ALPL: variants seen among roughly 807,000 people sequenced by gnomAD.
ALPL encodes the protein alkaline phosphatase, biomineralization associated, also known as alkaline phosphatase, tissue-nonspecific isozyme.
In ALPL, 42 loss-of-function variants were observed where a neutral mutation model predicts 51.3. The observed-to-expected ratio is 0.82, with a 90% CI of 0.64 to 1.06. ALPL has a LOEUF of 1.06. Among genes scored for constraint, ALPL ranks in the 50% least tolerant of loss-of-function variants. The pLI is 0.00. For missense variants in ALPL, 589 were observed against 709.4 expected, an observed-to-expected ratio of 0.83 and a Z score of 1.93; for synonymous variants, 279 against 296.4, an observed-to-expected ratio of 0.94 and a Z score of 0.60.
At position 21,577,910 on chromosome 1, in the gene ALPL, G is replaced by T. The variant is rs566407347; in HGVS notation, c.*262G>T. The T allele has an allele frequency of 3.4e-6, 2 of 591,866 alleles. No individual in the cohort carries two copies. The highest frequency in any genetic ancestry group is 6.0e-6 in the Non-Finnish European group (2 of 332,616). 36.7% of individuals were successfully genotyped at this position (591,866 alleles called of 1,614,324 possible). ...GGTAGATTTCTCTTGGGCAGGCAGA[G>T]AGTACAGACTGCAGACATTCTCAAA... On this transcript the variant is annotated 3_prime_UTR_variant, in exon 12 of 12. Transcript: ENST00000374840.
At chr1:21,547,006 C>A (rs374372698) in intron 1 of ALPL, among the ~76,000 whole-genome samples, 2 of 152,218 alleles carry the variant, frequency 1.3e-5, no homozygotes, top group African/African-American at 4.8e-5. Flanking sequence ...CACAGGGCAC[C>A]TGGCACAATG....
intron 2 of ALPL, among the ~76,000 whole-genome samples, chr1:21,554,807 GTCTGTCTGTCTT>G (rs1205819781): frequency 0.053 from 1,489 of 27,900 alleles, 17 homozygotes; most frequent in Middle Eastern, 0.071. Flanking sequence ...CTGTCTGTCT[GTCTGTCTGTCTT>G]TCTTTCTTTC....
chr1:21,511,942 C>T (rs962819231), intron 1 of ALPL, among the ~76,000 whole-genome samples: 2 of 152,204 alleles, frequency 1.3e-5, no homozygotes, highest in Non-Finnish European at 1.5e-5. Context: ...TAGCAATCTC[C>T]ATGCTGTACC....
chr1:21,563,168 G>C lies in ALPL; in HGVS notation c.356G>C (p.Cys119Ser), dbSNP rs774193109. 2 of 1,613,940 alleles carry C rather than the reference G, an allele frequency of 1.2e-6. No individual in the cohort carries two copies. Among genetic ancestry groups the C allele is most frequent in the Non-Finnish European group, 1.7e-6 (2 of 1,180,030 alleles). ...DSAGTATAYL[C>S]GVKANEGTVG... is the part of the protein sequence containing the mutation. ...GCCGGCACCGCCACCGCCTACCTGT[G>C]TGGGGTGAAGGCCAATGAGGGCACC... The change falls in exon 5 of 12, where the codon TGT becomes TCT. Residue 119 changes from cysteine (C) to serine (S), a missense_variant. Physicochemically the swap from Cys to Ser is moderately radical, Grantham distance 112 (BLOSUM62 -1). Coordinates refer to ENST00000374840, the MANE Select transcript of ALPL (RefSeq NM_000478.6).
intron 1 of ALPL, among the ~76,000 whole-genome samples, chr1:21,552,479 CAAAAAAA>C (rs34760747): frequency 1.6e-5 from 2 of 123,516 alleles, no homozygotes; most frequent in African/African-American, 6.0e-5. Context: ...AACTCCGTCT[CAAAAAAA>C]AAAAAAAGAA....
intron 9 of ALPL, among the ~76,000 whole-genome samples, chr1:21,575,520 C>T (rs1348832021): frequency 2.6e-5 from 4 of 152,214 alleles, no homozygotes; most frequent in Admixed American, 1.3e-4. Context: ...CATGCATGTG[C>T]CTTTGGCACC....
chr1:21,572,481 C>T (rs1644662965), intron 8 of ALPL, among the ~76,000 whole-genome samples: 1 of 152,144 alleles, frequency 6.6e-6, no homozygotes, highest in Admixed American at 6.5e-5. Context: ...AAATCACACA[C>T]CATCATTTCG....
intron 1 of ALPL, among the ~76,000 whole-genome samples, chr1:21,512,696 C>G (rs1179074362): frequency 1.3e-5 from 2 of 152,124 alleles, no homozygotes; most frequent in African/African-American, 2.4e-5. Context: ...AGAACATAGT[C>G]TCCGTATTTT....
At chr1:21,537,217 G>A (rs1388297780) in intron 1 of ALPL, among the ~76,000 whole-genome samples, 5 of 152,126 alleles carry the variant, frequency 3.3e-5, no homozygotes, top group Non-Finnish European at 7.3e-5. Context: ...CTTCTAAGAC[G>A]CTGATACTGG....
chr1:21,568,453 G>A (rs1644599875), intron 7 of ALPL, among the ~76,000 whole-genome samples: 1 of 152,140 alleles, frequency 6.6e-6, no homozygotes, highest in African/African-American at 2.4e-5. Flanking sequence ...CCAGAGAGAG[G>A]CGGATGGTGA....
chr1:21,577,436 G>A lies in ALPL; in HGVS notation c.1363G>A (p.Gly455Ser), dbSNP rs149889416. 85 of 1,612,488 alleles carry A rather than the reference G, an allele frequency of 5.3e-5. No homozygotes were observed. Among genetic ancestry groups the A allele is most frequent in the Non-Finnish European group, 7.0e-5 (83 of 1,179,950 alleles). The change falls in exon 12 of 12, where the codon GGC becomes AGC. Residue 455 changes from glycine to serine, a missense_variant. Gly to Ser is a moderately conservative substitution (Grantham distance 56, BLOSUM62 0). Transcript: ENST00000374840. ...TGTGCCCCTGCGCCACGAGACCCAC[G>A]GCGGGGAGGACGTGGCCGTCTTCTC... ...SAVPLRHETH[G>S]GEDVAVFSKG...
At position 21,563,112 on chromosome 1, in the gene ALPL, G is replaced by T. The variant is rs191778470; in HGVS notation, c.300G>T (p.Thr100=). The change falls in exon 5 of 12, where the codon ACG becomes ACT. Residue 100 remains threonine, a splice_region_variant and synonymous_variant. Coordinates refer to ENST00000374840, the MANE Select transcript of ALPL (RefSeq NM_000478.6). ...DKFPFVALSK[T]YNTNAQVPDS... ...TGACCCTCCTCTCCCACCTGCAGAC[G>T]TACAACACCAATGCCCAGGTCCCTG... 1.2e-6 allele frequency: 2 copies of T among 1,613,556 alleles called. No homozygotes were observed. The highest frequency in any genetic ancestry group is 8.5e-7 in the Non-Finnish European group (1 of 1,180,022).
intron 2 of ALPL, among the ~76,000 whole-genome samples, chr1:21,557,920 C>A (rs6695972): frequency 0.022 from 3,353 of 152,256 alleles, 119 homozygotes; most frequent in African/African-American, 0.077. Context: ...AGAGGAGATG[C>A]CCAGGCTTAC....
chr1:21,576,387 G>A (rs899341455), intron 10 of ALPL, 135 bp from the exon 11 acceptor site: 37 of 1,189,880 alleles, frequency 3.1e-5, no homozygotes, highest in African/African-American at 4.6e-5. Flanking sequence ...TTAGAAGGTG[G>A]CTTCTTGGAG....
Position 21,576,660 on chromosome 1 carries a change from A to C in ALPL, c.1309+19A>C. On this transcript the variant is annotated intron_variant, in intron 11 of 11. Coordinates refer to ENST00000374840, the MANE Select transcript of ALPL (RefSeq NM_000478.6). ...GACTATGGTGAGACCTCCAGGACCC[A>C]GGGCTGGGAGGGGACAGGGCACCCC... The C allele has an allele frequency of 6.2e-7, 1 of 1,613,112 alleles. No homozygotes were observed. Among genetic ancestry groups the C allele is most frequent in the Non-Finnish European group, 8.5e-7 (1 of 1,179,376 alleles).
chr1:21,554,962 T>C (rs1032004939), intron 2 of ALPL, among the ~76,000 whole-genome samples: 1 of 151,708 alleles, frequency 6.6e-6, no homozygotes, highest in Non-Finnish European at 1.5e-5. Flanking sequence ...TTCCTTTCTT[T>C]TCTCTCGCAT....
chr1:21,560,839 G>A, intron 3 of ALPL, 94 bp downstream of exon 3: 1 of 1,520,540 alleles, frequency 6.6e-7, no homozygotes, highest in Non-Finnish European at 9.0e-7. Flanking sequence ...TGTTGAAGGG[G>A]CTAGGGCTCT....
intron 1 of ALPL, among the ~76,000 whole-genome samples, chr1:21,514,372 A>T (rs1461428671): frequency 6.6e-6 from 1 of 152,152 alleles, no homozygotes; most frequent in Non-Finnish European, 1.5e-5. Flanking sequence ...TTGGTGCGCC[A>T]CTTCACCCTG....
intron 3 of ALPL, 145 bp from the exon 4 acceptor site, chr1:21,560,952 C>A: frequency 1.0e-6 from 1 of 976,332 alleles, no homozygotes; most frequent in Non-Finnish European, 1.6e-6. Context: ...GAGAGAGGGG[C>A]TGCTCACTGA....
Sources: allele counts gnomAD v4.1 joint callset (sites outside exome capture counted in the v4.1 genomes callset), GRCh38; gene constraint gnomAD v4.1.1; transcripts MANE v1.5; gene names NCBI Gene and HGNC (gene_info 2026-07-23, HGNC 2026-07-21).